Variants in BDP1 observed in about 807,000 individuals in gnomAD.
BDP1 encodes transcription factor TFIIIB component B'' homolog.
BDP1 carries 169 observed loss-of-function variants against 266.6 expected under a neutral mutation model. That is an observed-to-expected ratio of 0.63 (90% CI 0.56 to 0.72). The LOEUF is 0.72. Among genes scored for constraint, BDP1 ranks in the 30% least tolerant of loss-of-function variants. BDP1 has a pLI of 0.00. For synonymous variants in BDP1, 1,090 were observed against 1,022.4 expected, an observed-to-expected ratio of 1.07 and a Z score of -1.26; for missense variants, 3,015 against 3,053.8, an observed-to-expected ratio of 0.99 and a Z score of 0.30.
rs761168203 is a variant in BDP1 at position 71,564,759 on chromosome 5, T to C, written c.7749T>C (p.Ser2583=). The change falls in exon 39 of 39, where the codon TCT becomes TCC. Residue 2583 remains serine, a synonymous_variant. Coordinates refer to ENST00000358731, the MANE Select transcript of BDP1 (RefSeq NM_018429.3). ...ENISSSATQV[S]CDQPLLKEGY... ...TATTTTTATTACCTTTTTAGGTTTCTTGTGATCAGCCCTTACTGAAAGAAG... is the reference window on the plus strand; with the variant it reads ...TATTTTTATTACCTTTTTAGGTTTCCTGTGATCAGCCCTTACTGAAAGAAG... The C allele has an allele frequency of 6.3e-7, 1 of 1,595,660 alleles. No homozygotes were observed. The highest frequency in any genetic ancestry group is 1.1e-5 in the South Asian group (1 of 87,316).
At chr5:71,517,664 T>G (rs1246016075) in intron 22 of BDP1, among the ~76,000 whole-genome samples, 1 of 152,220 alleles carries the variant, frequency 6.6e-6, no homozygotes, top group African/African-American at 2.4e-5. Context: ...TGATATTCCC[T>G]TAAGTATATG....
At chr5:71,534,574 A>G (rs1325001682) in intron 26 of BDP1, among the ~76,000 whole-genome samples, 5 of 151,978 alleles carry the variant, frequency 3.3e-5, no homozygotes, top group African/African-American at 1.2e-4. Flanking sequence ...ATCTCAGCTC[A>G]CTGCAAGCTC....
At chr5:71,458,481 G>A (rs1761333435) in intron 1 of BDP1, 98 bp from the exon 2 acceptor site, 4 of 803,360 alleles carry the variant, frequency 5.0e-6, no homozygotes, top group East Asian at 5.5e-5. Context: ...TTTTAATTAC[G>A]AGATTGCAGT....
rs773389976 is a variant in BDP1 at position 71,524,081 on chromosome 5, C to T, written c.5530C>T (p.Arg1844Cys). The T allele has an allele frequency of 6.2e-6, 10 of 1,614,032 alleles. No individual in the cohort carries two copies. Among genetic ancestry groups the T allele is most frequent in the Admixed American group, 5.0e-5 (3 of 59,990 alleles). Residue 1844 changes from arginine to cysteine, a missense_variant, in exon 25 of 39, where the codon CGT becomes TGT. Coordinates refer to ENST00000358731, the MANE Select transcript of BDP1 (RefSeq NM_018429.3). Reference protein sequence around the residue: ...KKFKPNVTRGRGSKRVRGKTS... With the variant: ...KKFKPNVTRGCGSKRVRGKTS... ...GTTCAAACCAAATGTCACCAGAGGT[C>T]GTGGATCAAAACGAGTTCGGGGTAA...
intron 27 of BDP1, 147 bp from the exon 28 acceptor site, chr5:71,539,410 C>A (rs2150557651): frequency 1.6e-6 from 1 of 630,792 alleles, no homozygotes; most frequent in Non-Finnish European, 2.7e-6. Flanking sequence ...ATAACCTGAA[C>A]AAAAGACTAC....
Position 71,562,535 on chromosome 5 carries a change from C to T in BDP1, c.7743+15C>T. ...CAGCAACTCAGGTATGTGATAACTA[C>T]TGTATTTTATAGTTTGTATGAGATG... On this transcript the variant is annotated intron_variant, in intron 38 of 38. Coordinates refer to ENST00000358731, the MANE Select transcript of BDP1 (RefSeq NM_018429.3). 1 of 1,610,212 alleles carries T rather than the reference C, an allele frequency of 6.2e-7. No individual in the cohort carries two copies. The highest frequency in any genetic ancestry group is 8.5e-7 in the Non-Finnish European group (1 of 1,178,276).
chr5:71,501,520 G>T lies in BDP1; in HGVS notation c.1957-42G>T, dbSNP rs543919860. 4.2e-6 allele frequency: 5 copies of T among 1,194,902 alleles called. No individual in the cohort carries two copies. In the Admixed American group the frequency reaches 7.3e-5, roughly 17 times the overall value. 74.0% of individuals were successfully genotyped at this position (1,194,902 alleles called of 1,614,324 possible). On this transcript the variant is annotated intron_variant, in intron 13 of 38. Coordinates refer to ENST00000358731, the MANE Select transcript of BDP1 (RefSeq NM_018429.3). ...ATTTGTTTATTACAAAGTTTGAACT[G>T]TTTATTGTAAGTAGATAAATTGTAG...
chr5:71,527,268 G>T (rs577325912), intron 25 of BDP1, among the ~76,000 whole-genome samples: 1 of 151,918 alleles, frequency 6.6e-6, no homozygotes, highest in Admixed American at 6.6e-5. Context: ...CCCTAGCCTG[G>T]CAAAAAACCA....
At chr5:71,527,168 G>A (rs1038485083) in intron 25 of BDP1, among the ~76,000 whole-genome samples, 1 of 152,110 alleles carries the variant, frequency 6.6e-6, no homozygotes, top group African/African-American at 2.4e-5. Context: ...CAATCCTCCT[G>A]CCTCGGCCTC....
chr5:71,478,577 G>A (rs769819586), intron 7 of BDP1, among the ~76,000 whole-genome samples: 2 of 151,584 alleles, frequency 1.3e-5, no homozygotes, highest in Non-Finnish European at 2.9e-5. Flanking sequence ...CTGGCTTTCA[G>A]TGTTGCTGAT....
intron 35 of BDP1, among the ~76,000 whole-genome samples, chr5:71,555,052 C>G (rs1743119296): frequency 6.6e-6 from 1 of 152,180 alleles, no homozygotes; most frequent in Non-Finnish European, 1.5e-5. Context: ...GTAGGATACA[C>G]ATACACTGTA....
chr5:71,502,871 TTACATACA>T lies in BDP1; in HGVS notation c.2241+94_2241+101del, dbSNP rs576896110. 12 of 980,036 alleles carry T rather than the reference TTACATACA, an allele frequency of 1.2e-5. No homozygotes were observed. In the African/African-American group the frequency reaches 1.6e-4, roughly 13 times the overall value. The allele number at this position is 980,036 out of a possible 1,614,324, so 60.7% of individuals were successfully genotyped here. ...TATAAGCTTCCCTTCACCCACATAC[TTACATACA>T]TACATACATACATTTATTTATTTAT... On this transcript the variant is annotated intron_variant, in intron 15 of 38. Transcript: ENST00000358731.
chr5:71,483,126 T>C (rs1763057744), intron 7 of BDP1, among the ~76,000 whole-genome samples: 1 of 152,202 alleles, frequency 6.6e-6, no homozygotes, highest in Non-Finnish European at 1.5e-5. Context: ...AAAAGCTTTA[T>C]TTTTGTGCTT....
At chr5:71,538,346 G>A (rs1766762390) in intron 26 of BDP1, among the ~76,000 whole-genome samples, 1 of 152,170 alleles carries the variant, frequency 6.6e-6, no homozygotes, top group Non-Finnish European at 1.5e-5. Flanking sequence ...GGGACTGGGG[G>A]CCTTGTATTT....
In BDP1 at chr5:71,545,166, C is replaced by T; in HGVS notation, c.6691C>T (p.Pro2231Ser). 1 of 1,613,634 alleles carries T rather than the reference C, an allele frequency of 6.2e-7. No homozygotes were observed. The highest frequency in any genetic ancestry group is 8.5e-7 in the Non-Finnish European group (1 of 1,179,908). ...TCTTGGTGAAAATTCTGTTGAAGAG[C>T]CCCAGATAAAGGACTCTAAAGGAGA... is the stretch of plus-strand genomic sequence containing the variant. ...RGLGENSVEE[P>S]QIKDSKGDSV... Residue 2231 changes from proline (P) to serine (S), a missense_variant, in exon 32 of 39, where the codon CCC (proline) becomes TCC (serine). Around this residue, in one of 3 missense-constraint regions of BDP1, gnomAD observed 629 missense variants for 632.5 expected, o/e 0.99. Coordinates refer to ENST00000358731, the MANE Select transcript of BDP1 (RefSeq NM_018429.3).
intron 17 of BDP1, among the ~76,000 whole-genome samples, chr5:71,511,703 T>A (rs879896457): frequency 3.6e-4 from 55 of 152,080 alleles, no homozygotes; most frequent in Non-Finnish European, 6.6e-4. Context: ...TATTATTATT[T>A]TTTTTCTTTA....
chr5:71,525,223 G>A (rs370779989), intron 25 of BDP1, among the ~76,000 whole-genome samples: 3,203 of 148,150 alleles, frequency 0.022, 64 homozygotes, highest in South Asian at 0.062. Context: ...GGGCAGAGGC[G>A]CCCCTCACCT....
intron 31 of BDP1, 68 bp from the exon 32 acceptor site, chr5:71,544,971 C>A (rs892595218): frequency 6.9e-7 from 1 of 1,441,152 alleles, no homozygotes; most frequent in Non-Finnish European, 9.7e-7. Flanking sequence ...CTTTTACACA[C>A]CTAGCTCTAA....
At chr5:71,483,541 A>T (rs1763084434) in intron 7 of BDP1, among the ~76,000 whole-genome samples, 2 of 152,198 alleles carry the variant, frequency 1.3e-5, no homozygotes, top group South Asian at 4.1e-4. Flanking sequence ...AATACCAGTG[A>T]GCTTAGTCAT....
Sources: allele counts gnomAD v4.1 joint callset (sites outside exome capture counted in the v4.1 genomes callset), GRCh38; gene constraint gnomAD v4.1.1; regional missense constraint gnomAD v4.1.1; transcripts MANE v1.5; gene names NCBI Gene and HGNC (gene_info 2026-07-23, HGNC 2026-07-21).